JMJD1C: variants seen among roughly 807,000 people sequenced by gnomAD.
The protein encoded by JMJD1C is jumonji domain containing 1C.
A neutral mutation model predicts 245.3 loss-of-function variants in JMJD1C; 31 were observed. The ratio of observed to expected loss-of-function variants is 0.13; its 90% confidence interval spans 0.09 to 0.17. The LOEUF (loss-of-function observed/expected upper bound fraction) is 0.17. Ranked by LOEUF, JMJD1C falls within the 10% of genes least tolerant of loss-of-function variation. The pLI is 1.00. For synonymous variants in JMJD1C, 1,057 were observed against 1,017.4 expected, an observed-to-expected ratio of 1.04 and a Z score of -0.74; for missense variants, 2,691 against 3,000.2, an observed-to-expected ratio of 0.90 and a Z score of 2.41.
In JMJD1C at chr10:63,189,436, C is replaced by G. The variant is rs1844495218; in HGVS notation, c.6302G>C (p.Ser2101Thr). The change falls in exon 18 of 26, where the codon AGT becomes ACT. Residue 2101 changes from serine to threonine, a missense_variant. Transcript: ENST00000399262. ...VYSMGAPSSK[S>T]GRTMPNILDD... ...AAGAATGTTAGGCATAGTCCGTCCA[C>G]TTTTGCTACTCTATTAAGGAAAAAA... 6.2e-7 allele frequency: 1 copy of G among 1,610,154 alleles called. No individual in the cohort carries two copies. Among genetic ancestry groups the G allele is most frequent in the African/African-American group, 1.3e-5 (1 of 74,708 alleles).
chr10:63,425,265 T>C (rs1439112942), intron 1 of JMJD1C, among the ~76,000 whole-genome samples: 1 of 152,110 alleles, frequency 6.6e-6, no homozygotes, highest in African/African-American at 2.4e-5. Context: ...TATAAAAAAT[T>C]TTAAAACTGA....
intron 2 of JMJD1C, among the ~76,000 whole-genome samples, chr10:63,369,873 GC>G (rs1362866443): frequency 1.3e-5 from 2 of 152,250 alleles, no homozygotes; most frequent in Non-Finnish European, 2.9e-5. Flanking sequence ...GGAGGCTTTG[GC>G]CACTGGACAG....
At chr10:63,387,874 A>G (rs1243432384) in intron 1 of JMJD1C, among the ~76,000 whole-genome samples, 1 of 151,854 alleles carries the variant, frequency 6.6e-6, no homozygotes, top group African/African-American at 2.4e-5. Flanking sequence ...TGACCTTGTG[A>G]TCTGCCTGTC....
chr10:63,430,804 C>T (rs1178581277), intron 1 of JMJD1C, among the ~76,000 whole-genome samples: 3 of 152,166 alleles, frequency 2.0e-5, no homozygotes, highest in Non-Finnish European at 4.4e-5. Context: ...AGAGCAGTGG[C>T]ATGATCACAG....
In JMJD1C at chr10:63,217,302, T is replaced by TGGATA; in HGVS notation, c.582_583insTATCC (p.Arg195TyrfsTer17). 1 of 1,603,374 alleles carries TGGATA rather than the reference T, an allele frequency of 6.2e-7. No individual in the cohort carries two copies. Among genetic ancestry groups the TGGATA allele is most frequent in the East Asian group, 2.2e-5 (1 of 44,666 alleles). On this transcript the variant is annotated frameshift_variant, in exon 5 of 26. Transcript: ENST00000399262. LOFTEE classifies it high-confidence loss of function. Reference sequence around the variant, plus strand: ...GTGGCAGAGTCTTGTCTATATACTCTCACTCTGTATCCATTTAAGGAATAA... The same window carrying TGGATA: ...GTGGCAGAGTCTTGTCTATATACTCTGGATACACTCTGTATCCATTTAAGGAATAA...
chr10:63,281,705 C>T (rs1857426083), intron 2 of JMJD1C, among the ~76,000 whole-genome samples: 1 of 151,380 alleles, frequency 6.6e-6, no homozygotes, highest in South Asian at 2.1e-4. Flanking sequence ...CTCCTGACCT[C>T]GTGATCTACC....
At chr10:63,316,653 G>A (rs1162634552) in intron 2 of JMJD1C, among the ~76,000 whole-genome samples, 1 of 152,066 alleles carries the variant, frequency 6.6e-6, no homozygotes, top group African/African-American at 2.4e-5. Context: ...TCACCATGTT[G>A]GCCAAGTTGG....
intron 2 of JMJD1C, among the ~76,000 whole-genome samples, chr10:63,317,609 T>A (rs1156298457): frequency 6.6e-6 from 1 of 152,212 alleles, no homozygotes; most frequent in Non-Finnish European, 1.5e-5. Context: ...GTTTATAATG[T>A]TCTTGCAAAT....
At chr10:63,353,401 CTAA>C (rs1382912525) in intron 2 of JMJD1C, among the ~76,000 whole-genome samples, 7 of 152,160 alleles carry the variant, frequency 4.6e-5, no homozygotes, top group African/African-American at 1.4e-4. Flanking sequence ...CTATCTACTA[CTAA>C]TGTGAAGATG....
intron 2 of JMJD1C, among the ~76,000 whole-genome samples, chr10:63,352,753 G>A (rs752028722): frequency 8.5e-5 from 13 of 152,100 alleles, no homozygotes; most frequent in Admixed American, 2.0e-4. Context: ...AACAAGAGAG[G>A]TTTGAAATGC....
chr10:63,176,743 G>C (rs1842887395), intron 23 of JMJD1C: 1 of 306,674 alleles, frequency 3.3e-6, no homozygotes, highest in African/African-American at 2.2e-5. Flanking sequence ...CCATCTATCT[G>C]GTTTCCTTCC....
At chr10:63,318,184 T>C (rs1168596196) in intron 2 of JMJD1C, among the ~76,000 whole-genome samples, 4 of 152,132 alleles carry the variant, frequency 2.6e-5, no homozygotes, top group African/African-American at 4.8e-5. Flanking sequence ...TTTTTGTTAA[T>C]TTTTAACTTT....
At chr10:63,519,232 C>T (rs1179480182) in intron 1 of JMJD1C, among the ~76,000 whole-genome samples, 5 of 152,186 alleles carry the variant, frequency 3.3e-5, no homozygotes, top group African/African-American at 1.2e-4. Flanking sequence ...AGTCTAGGGA[C>T]ATTTCAGAGA....
Position 63,207,585 on chromosome 10 carries a change from C to T in JMJD1C, c.4084G>A (p.Asp1362Asn). Residue 1362 changes from aspartate (D) to asparagine (N), a missense_variant, in exon 10 of 26, where the codon GAC becomes AAC. This residue lies in a region of JMJD1C where 1,562 missense variants were observed against 1,490.7 expected (regional missense o/e 1.05). Coordinates refer to ENST00000399262, the MANE Select transcript of JMJD1C (RefSeq NM_032776.3). ...GRIILPNVNSDSVHTKSEKNF... is the reference protein window; with the variant it reads ...GRIILPNVNSNSVHTKSEKNF... ...TTTTCAGATTTTGTGTGAACACTGTCTGAATTCACATTTGGCAAAATGATT... is the reference window on the plus strand; with the variant it reads ...TTTTCAGATTTTGTGTGAACACTGTTTGAATTCACATTTGGCAAAATGATT... 6.2e-7 allele frequency: 1 copy of T among 1,614,202 alleles called. No homozygotes were observed.
At chr10:63,283,370 T>C (rs1857621477) in intron 2 of JMJD1C, among the ~76,000 whole-genome samples, 1 of 147,934 alleles carries the variant, frequency 6.8e-6, no homozygotes, top group Non-Finnish European at 1.5e-5. Flanking sequence ...TCTGAGCCTT[T>C]TTTTTTTTTT....
chr10:63,204,564 A>G, intron 10 of JMJD1C: 1 of 985,454 alleles, frequency 1.0e-6, no homozygotes, highest in Non-Finnish European at 1.2e-6. Context: ...ATAAGACAGA[A>G]GAGAAACAAT....
Position 63,405,091 on chromosome 10 carries a change from T to C in JMJD1C, c.169-24609A>G, listed in dbSNP as rs1949088504. Among the ~76,000 whole-genome samples, 5 of 152,218 alleles carry C rather than the reference T, an allele frequency of 3.3e-5. No individual in the cohort carries two copies. The South Asian group carries it at 1.0e-3, about 31-fold the overall frequency. On this transcript the variant is annotated intron_variant, in intron 1 of 25. Transcript: ENST00000399262. ...AATCCTTATAAAAATACTACCATCA[T>C]ATAACTTTTTAAATTTAAGAAGTTT...
intron 1 of JMJD1C, among the ~76,000 whole-genome samples, chr10:63,405,978 G>A (rs1246155674): frequency 6.6e-6 from 1 of 152,068 alleles, no homozygotes; most frequent in East Asian, 1.9e-4. Context: ...AACGTTATCA[G>A]AACAAACTAC....
chr10:63,434,436 G>A (rs566352617), intron 1 of JMJD1C, among the ~76,000 whole-genome samples: 45 of 152,252 alleles, frequency 3.0e-4, no homozygotes, highest in Admixed American at 9.2e-4. Context: ...TGGGATTCAG[G>A]AGCCTTTGTA....
Sources: allele counts gnomAD v4.1 joint callset (sites outside exome capture counted in the v4.1 genomes callset), GRCh38; gene constraint gnomAD v4.1.1; regional missense constraint gnomAD v4.1.1; transcripts MANE v1.5; gene names NCBI Gene and HGNC (gene_info 2026-07-23, HGNC 2026-07-21).